Variants in FGR observed in about 807,000 individuals in gnomAD.
The protein encoded by FGR is FGR proto-oncogene, Src family tyrosine kinase, also known as tyrosine-protein kinase Fgr.
FGR carries 26 observed loss-of-function variants against 63.2 expected under a neutral mutation model. The observed-to-expected ratio is 0.41, with a 90% CI of 0.30 to 0.57. The LOEUF is 0.57. Among genes scored for constraint, FGR ranks in the 20% least tolerant of loss-of-function variants. The pLI is 0.27. For missense variants in FGR, 511 were observed against 690.8 expected, an observed-to-expected ratio of 0.74 and a Z score of 2.92; for synonymous variants, 286 against 277.7, an observed-to-expected ratio of 1.03 and a Z score of -0.30.
chr1:27,616,304 A>G lies in FGR; in HGVS notation c.683-460T>C, dbSNP rs2089811730. ...GCCAATTCTCCACCAAGTCAGGCCT[A>G]TTCTGCCTCCTACCCAGCTTCAGAA... On this transcript the variant is annotated intron_variant, in intron 7 of 12. Coordinates refer to ENST00000374005, the MANE Select transcript of FGR (RefSeq NM_005248.3). The surrounding 1 kb of genome is among the most constrained non-coding windows in gnomAD (Gnocchi z 4.3). Among the ~76,000 whole-genome samples the G allele has an allele frequency of 6.6e-6, 1 of 152,184 alleles. No individual in the cohort carries two copies. The highest frequency in any genetic ancestry group is 1.5e-5 in the Non-Finnish European group (1 of 68,028).
intron 4 of FGR, 128 bp downstream of exon 4, chr1:27,622,914 T>G: frequency 1.5e-6 from 1 of 666,402 alleles, no homozygotes. Context: ...CACCCAGGGT[T>G]TTTATTGTTA....
chr1:27,616,576 A>G lies in FGR; in HGVS notation c.682+281T>C. ...GTCCTGGTGCCTTGGTGGGGCATTC[A>G]GGCGGCACAAACACTCCATCAAGTT... On this transcript the variant is annotated intron_variant, in intron 7 of 12. Coordinates refer to ENST00000374005, the MANE Select transcript of FGR (RefSeq NM_005248.3). This position sits in a 1 kb window ranked among gnomAD's most constrained non-coding sequence, Gnocchi z 4.3. Among the ~76,000 whole-genome samples the G allele has an allele frequency of 6.6e-6, 1 of 152,218 alleles. No homozygotes were observed. The highest frequency in any genetic ancestry group is 1.9e-4 in the East Asian group (1 of 5,184).
intron 1 of FGR, among the ~76,000 whole-genome samples, chr1:27,634,841 C>T (rs1352105719): frequency 1.3e-5 from 2 of 152,096 alleles, no homozygotes; most frequent in Non-Finnish European, 2.9e-5. Context: ...CCCGTGCTCC[C>T]CTCCGCCCTC....
At chr1:27,631,828 C>T (rs34806307) in intron 1 of FGR, among the ~76,000 whole-genome samples, 16,606 of 152,092 alleles carry the variant, frequency 0.11, 1,141 homozygotes, top group African/African-American at 0.19. Flanking sequence ...AAAAGGGAAC[C>T]GGGACTTTGG....
In FGR at chr1:27,616,115, G is replaced by A. The variant is rs994434012; in HGVS notation, c.683-271C>T. 6.6e-6 allele frequency among the ~76,000 whole-genome samples: 1 copy of A among 152,180 alleles called. No homozygotes were observed. The highest frequency in any genetic ancestry group is 1.5e-5 in the Non-Finnish European group (1 of 68,000). ...CTCCCATAGGAGGTAGCCTCCAGCT[G>A]GGCCTTGAAGGATAAGGTGGGATTC... On this transcript the variant is annotated intron_variant, in intron 7 of 12. Transcript: ENST00000374005. This position sits in a 1 kb window ranked among gnomAD's most constrained non-coding sequence, Gnocchi z 4.3.
At chr1:27,620,902 A>T (rs2089907841) in intron 5 of FGR, among the ~76,000 whole-genome samples, 1 of 148,552 alleles carries the variant, frequency 6.7e-6, no homozygotes, top group Admixed American at 6.9e-5. Flanking sequence ...TGAAAGAATC[A>T]TCTGAGCCAG....
chr1:27,616,730 T>C lies in FGR; in HGVS notation c.682+127A>G. 2 of 1,012,970 alleles carry C rather than the reference T, an allele frequency of 2.0e-6. No individual in the cohort carries two copies. Among genetic ancestry groups the C allele is most frequent in the Non-Finnish European group, 3.0e-6 (2 of 672,906 alleles). 62.7% of individuals were successfully genotyped at this position (1,012,970 alleles called of 1,614,324 possible). A position where few individuals can be genotyped will look rare whatever the true frequency, so the allele number is the denominator to read the frequency against. On this transcript the variant is annotated intron_variant, in intron 7 of 12. Transcript: ENST00000374005. This position sits in a 1 kb window ranked among gnomAD's most constrained non-coding sequence, Gnocchi z 4.3. ...CTGGATCCTGGGCTGGCAGACCCCATCCTTGGGTTCTGGTTTCCGTCTGGC... is the reference window on the plus strand; with the variant it reads ...CTGGATCCTGGGCTGGCAGACCCCACCCTTGGGTTCTGGTTTCCGTCTGGC...
At chr1:27,620,986 T>A in intron 5 of FGR, among the ~76,000 whole-genome samples, 1 of 77,174 alleles carries the variant, frequency 1.3e-5, no homozygotes, top group Admixed American at 2.0e-4. Flanking sequence ...AGTAGGACCC[T>A]GTCTCAAAAA....
chr1:27,612,951 G>A lies in FGR; in HGVS notation c.1553C>T (p.Ser518Phe). The change falls in exon 13 of 13, where the codon TCC becomes TTC. Residue 518 changes from serine to phenylalanine, a missense_variant. By Grantham distance (155) the Ser-to-Phe change is radical. Transcript: ENST00000374005. ...LQSFLEDYFT[S>F]AEPQYQPGDQ... is the part of the protein sequence containing the mutation. The stretch of plus-strand genomic sequence containing the variant: ...CCCGGGCTGGTACTGTGGTTCAGCG[G>A]AGGTGAAGTAGTCCTCCAGGAAGGA... 6.2e-7 allele frequency: 1 copy of A among 1,614,188 alleles called. No homozygotes were observed. Among genetic ancestry groups the A allele is most frequent in the South Asian group, 1.1e-5 (1 of 91,074 alleles).
intron 1 of FGR, among the ~76,000 whole-genome samples, chr1:27,629,452 C>G (rs1287046334): frequency 6.7e-6 from 1 of 150,312 alleles, no homozygotes; most frequent in South Asian, 2.1e-4. Flanking sequence ...AAAGAGTAAT[C>G]AAGAGACAGA....
At chr1:27,626,133 G>C (rs115653145) in intron 1 of FGR, 4 of 398,502 alleles carry the variant, frequency 1.0e-5, no homozygotes, top group African/African-American at 6.2e-5. Context: ...GCCCCACAAT[G>C]AGCCAACCCT....
rs1469123548 is a variant in FGR, at chr1:27,615,853, G to A, written c.683-9C>T. The A allele has an allele frequency of 2.5e-6, 4 of 1,572,228 alleles. No homozygotes were observed. The highest frequency in any genetic ancestry group is 3.5e-6 in the Non-Finnish European group (4 of 1,156,652). ...CAGCCCGTCATTCACCTCTAGGGGAGGGGTCATGAAGTAGAGTCACAGGTG... is the reference window on the plus strand; with the variant it reads ...CAGCCCGTCATTCACCTCTAGGGGAAGGGTCATGAAGTAGAGTCACAGGTG... On this transcript the variant is annotated splice_polypyrimidine_tract_variant and intron_variant, in intron 7 of 12. Coordinates refer to ENST00000374005, the MANE Select transcript of FGR (RefSeq NM_005248.3). This position sits in a 1 kb window ranked among gnomAD's most constrained non-coding sequence, Gnocchi z 7.6.
intron 1 of FGR, among the ~76,000 whole-genome samples, chr1:27,634,217 G>A (rs2090145864): frequency 6.6e-6 from 1 of 152,210 alleles, no homozygotes; most frequent in African/African-American, 2.4e-5. Flanking sequence ...GGCAGCCCCT[G>A]CGGGCACTCG....
Position 27,617,231 on chromosome 1 carries a change from T to C in FGR, c.494A>G (p.Gln165Arg). The part of the protein sequence containing the change: ...ERQLLSPGNP[Q>R]GAFLIRESET... ...GCTTTCCCGAATGAGAAAGGCCCCC[T>C]GGGGGTTGCCTGGTGAAAGCAGCTG... The change falls in exon 6 of 13, where the codon CAG becomes CGG. Residue 165 changes from glutamine (Q) to arginine (R), a missense_variant. By Grantham distance (43) the Gln-to-Arg change is conservative. Coordinates refer to ENST00000374005, the MANE Select transcript of FGR (RefSeq NM_005248.3). The surrounding 1 kb of genome is among the most constrained non-coding windows in gnomAD (Gnocchi z 4.5). The C allele has an allele frequency of 1.2e-6, 2 of 1,614,120 alleles. No homozygotes were observed. The highest frequency in any genetic ancestry group is 1.1e-5 in the South Asian group (1 of 91,084).
chr1:27,621,910 G>C (rs1190365355), intron 4 of FGR, among the ~76,000 whole-genome samples: 1 of 152,158 alleles, frequency 6.6e-6, no homozygotes, highest in African/African-American at 2.4e-5. Context: ...CAGCTGGGTT[G>C]GGCTGGGGAT....
At chr1:27,626,761 A>G (rs1172899132) in intron 1 of FGR, among the ~76,000 whole-genome samples, 3 of 152,162 alleles carry the variant, frequency 2.0e-5, no homozygotes, top group Non-Finnish European at 2.9e-5. Context: ...CCAGGATGCT[A>G]CAGGGCTAGT....
In FGR at chr1:27,623,866, C is replaced by T. The variant is rs1233297431; in HGVS notation, c.51G>A (p.Glu17=). 9.9e-6 allele frequency: 16 copies of T among 1,609,478 alleles called. No individual in the cohort carries two copies. Among genetic ancestry groups the T allele is most frequent in the African/African-American group, 2.7e-5 (2 of 74,836 alleles). The change falls in exon 3 of 13, where the codon GAG becomes GAA. Residue 17 remains glutamate, a synonymous_variant. Transcript: ENST00000374005. ...KKLEPVATAK[E]DAGLEGDFRS... ...TGAAGTCCCCTTCCAGGCCAGCATC[C>T]TCCTTGGCCGTGGCCACCGGCTCCA...
At chr1:27,620,991 CAAAAAAAAAAAAAA>C (rs59265327) in intron 5 of FGR, among the ~76,000 whole-genome samples, 2 of 22,020 alleles carry the variant, frequency 9.1e-5, no homozygotes, top group Non-Finnish European at 1.1e-4. Flanking sequence ...GACCCTGTCT[CAAAAAAAAAAAAAA>C]AAAAAAAAAA....
In FGR at chr1:27,617,075, C is replaced by G. The variant is rs2089827657; in HGVS notation, c.533-69G>C. On this transcript the variant is annotated intron_variant, in intron 6 of 12. Transcript: ENST00000374005. This position sits in a 1 kb window ranked among gnomAD's most constrained non-coding sequence, Gnocchi z 4.5. ...AGTCTGGGAGCTGGGAGAGGCCCGACAGCAGCATCCCTAGGACCTGGTCCC... is the reference window on the plus strand; with the variant it reads ...AGTCTGGGAGCTGGGAGAGGCCCGAGAGCAGCATCCCTAGGACCTGGTCCC... 4.4e-6 allele frequency: 7 copies of G among 1,606,768 alleles called. No homozygotes were observed. The highest frequency in any genetic ancestry group is 6.0e-6 in the Non-Finnish European group (7 of 1,174,974).
Sources: allele counts gnomAD v4.1 joint callset (sites outside exome capture counted in the v4.1 genomes callset), GRCh38; gene constraint gnomAD v4.1.1; non-coding constraint Gnocchi (gnomAD v3.1); transcripts MANE v1.5; gene names NCBI Gene and HGNC (gene_info 2026-07-23, HGNC 2026-07-21).